Variants in SYNPO observed in about 807,000 individuals in gnomAD.
SYNPO encodes synaptopodin.
Under a neutral mutation model 49.5 loss-of-function variants are expected in SYNPO, and 19 were observed. The observed-to-expected ratio is 0.38, with a 90% CI of 0.27 to 0.56. SYNPO has a LOEUF of 0.56. Among genes scored for constraint, SYNPO ranks in the 20% least tolerant of loss-of-function variants. SYNPO has a pLI of 0.68. For missense variants in SYNPO, 1,131 were observed against 1,248.3 expected, an observed-to-expected ratio of 0.91 and a Z score of 1.42; for synonymous variants, 536 against 548.0, an observed-to-expected ratio of 0.98 and a Z score of 0.31.
intron 2 of SYNPO, among the ~76,000 whole-genome samples, chr5:150,634,543 G>A (rs1324325943): frequency 1.3e-5 from 2 of 152,152 alleles, no homozygotes; most frequent in African/African-American, 2.4e-5. Context: ...ATTTGACTGG[G>A]CACAGTGGCT....
At chr5:150,642,939 G>A (rs1192331493) in intron 1 of SYNPO, among the ~76,000 whole-genome samples, 2 of 152,242 alleles carry the variant, frequency 1.3e-5, no homozygotes, top group African/African-American at 4.8e-5. Context: ...GCCTCACTGA[G>A]AGTCAGCTGA....
intron 2 of SYNPO, among the ~76,000 whole-genome samples, chr5:150,626,086 A>T (rs1160820295): frequency 6.6e-6 from 1 of 152,170 alleles, no homozygotes; most frequent in Non-Finnish European, 1.5e-5. Flanking sequence ...CTGGATGCTG[A>T]TGGGGGTCTA....
intron 2 of SYNPO, among the ~76,000 whole-genome samples, chr5:150,633,933 G>A (rs1242278771): frequency 6.6e-6 from 1 of 152,000 alleles, no homozygotes; most frequent in East Asian, 1.9e-4. Context: ...ACCAGCCTGG[G>A]AAACATAGTG....
chr5:150,612,803 A>G (rs904794993), intron 1 of SYNPO, among the ~76,000 whole-genome samples: 1 of 152,066 alleles, frequency 6.6e-6, no homozygotes, highest in Non-Finnish European at 1.5e-5. Flanking sequence ...TTTCTGAGAC[A>G]GGGTCTCACT....
At chr5:150,622,495 T>C (rs1470546993) in intron 2 of SYNPO, among the ~76,000 whole-genome samples, 1 of 152,212 alleles carries the variant, frequency 6.6e-6, no homozygotes, top group Non-Finnish European at 1.5e-5. Context: ...TCCCTGCCTT[T>C]GCTGGTGGCC....
chr5:150,655,176 A>T (rs1474554190), intron 2 of SYNPO, among the ~76,000 whole-genome samples: 1 of 152,256 alleles, frequency 6.6e-6, no homozygotes, highest in Non-Finnish European at 1.5e-5. Context: ...ATAATAGATA[A>T]TACATTCATA....
chr5:150,600,507 C>T (rs1417230287), upstream of SYNPO, among the ~76,000 whole-genome samples: 2 of 152,230 alleles, frequency 1.3e-5, no homozygotes, highest in Non-Finnish European at 2.9e-5. Context: ...CAAGTCCCTG[C>T]CCCTTTCTGA....
At chr5:150,589,956 G>T in the SYNPO span, among the ~76,000 whole-genome samples, 2 of 152,180 alleles carry the variant, frequency 1.3e-5, no homozygotes, top group Admixed American at 1.3e-4. Context: ...CACATCCCCC[G>T]CCAGGGGTGG....
At position 150,657,284 on chromosome 5, in the gene SYNPO, T is replaced by TG; in HGVS notation, c.*200dup. 1.6e-6 allele frequency: 1 copy of TG among 628,658 alleles called. No homozygotes were observed. Among genetic ancestry groups the TG allele is most frequent in the Admixed American group, 3.0e-5 (1 of 33,178 alleles). 38.9% of individuals were successfully genotyped at this position (628,658 alleles called of 1,614,324 possible). ...CTCTCATTCAGCTGTTGTGTGACCC[T>TG]GGGTAAGACCCTTCCTTGTTTGACC... On this transcript the variant is annotated 3_prime_UTR_variant, in exon 3 of 3. Transcript: ENST00000307662.
intron 2 of SYNPO, chr5:150,625,045 C>A: frequency 1.1e-6 from 1 of 899,066 alleles, no homozygotes; most frequent in Non-Finnish European, 1.3e-6. Flanking sequence ...GTGACCTTGG[C>A]CAAGTCGCTT....
intron 2 of SYNPO, among the ~76,000 whole-genome samples, chr5:150,627,834 G>A (rs146833543): frequency 0.014 from 2,172 of 152,208 alleles, 61 homozygotes; most frequent in South Asian, 0.089. Flanking sequence ...CCCAGAAGAT[G>A]GTCATGCTCT....
chr5:150,625,196 G>A lies in SYNPO; in HGVS notation c.400+6429G>A, dbSNP rs376812389. On this transcript the variant is annotated intron_variant, in intron 2 of 2. Transcript: ENST00000394243. ...GCTGCGTGGGGGCTCCAGCCCTTGCGCCCCTCCCCGCAAGCGGATCAGGGC... is the reference window on the plus strand; with the variant it reads ...GCTGCGTGGGGGCTCCAGCCCTTGCACCCCTCCCCGCAAGCGGATCAGGGC... Among the ~76,000 whole-genome samples the A allele has an allele frequency of 1.7e-4, 26 of 152,292 alleles. No homozygotes were observed. The South Asian group carries it at 5.2e-3, about 30-fold the overall frequency.
the SYNPO span, among the ~76,000 whole-genome samples, chr5:150,593,414 T>C: frequency 6.6e-6 from 1 of 152,238 alleles, no homozygotes; most frequent in Non-Finnish European, 1.5e-5. Context: ...CTCCTTTCCC[T>C]TCTGAGCCTT....
chr5:150,648,926 G>A lies in SYNPO; in HGVS notation c.651G>A (p.Thr217=), dbSNP rs201930365. The A allele has an allele frequency of 1.9e-5, 30 of 1,614,214 alleles. No individual in the cohort carries two copies. Among genetic ancestry groups the A allele is most frequent in the South Asian group, 1.4e-4 (13 of 91,080 alleles). The stretch of plus-strand genomic sequence containing the variant: ...TGTCTGGGCGAGCAGCTGCCACCAC[G>A]CCCACCAAGGTCTACAGTGAGGTCC... The part of the protein sequence containing the change: ...QEMSGRAAAT[T]PTKVYSEVHF... The change falls in exon 2 of 3, where the codon ACG becomes ACA. Residue 217 remains threonine, a synonymous_variant. Transcript: ENST00000307662. The surrounding 1 kb of genome is among the most constrained non-coding windows in gnomAD (Gnocchi z 5.0).
intron 2 of SYNPO, among the ~76,000 whole-genome samples, chr5:150,628,880 C>G (rs1024222738): frequency 6.6e-6 from 1 of 152,216 alleles, no homozygotes; most frequent in Non-Finnish European, 1.5e-5. Flanking sequence ...TGCACTCCAG[C>G]CTGGGAGACG....
chr5:150,632,608 G>T (rs1008018081), intron 2 of SYNPO, among the ~76,000 whole-genome samples: 4 of 152,284 alleles, frequency 2.6e-5, no homozygotes, highest in African/African-American at 9.6e-5. Flanking sequence ...GCTTCTGACA[G>T]TTGGCCTCTA....
At chr5:150,655,522 C>A (rs1369867566) in intron 2 of SYNPO, among the ~76,000 whole-genome samples, 2 of 152,256 alleles carry the variant, frequency 1.3e-5, no homozygotes, top group Non-Finnish European at 2.9e-5. Flanking sequence ...CCTCAGCTAG[C>A]CTGACTGAAA....
exon 1 of SYNPO, chr5:150,601,079 CAG>C (rs1259509326): frequency 6.6e-6 from 1 of 152,428 alleles, no homozygotes. Context: ...CTGCTCCAGA[CAG>C]AGCGCGAGTG....
upstream of SYNPO, among the ~76,000 whole-genome samples, chr5:150,596,651 T>A (rs535761927): frequency 7.7e-4 from 117 of 152,086 alleles, 1 homozygote; most frequent in African/African-American, 2.6e-3. Context: ...CTGCCAGAGA[T>A]GAAGGTTCCT....
Sources: allele counts gnomAD v4.1 joint callset (sites outside exome capture counted in the v4.1 genomes callset), GRCh38; gene constraint gnomAD v4.1.1; non-coding constraint Gnocchi (gnomAD v3.1); transcripts MANE v1.5; gene names NCBI Gene and HGNC (gene_info 2026-07-23, HGNC 2026-07-21).